Variants in RGS5 observed in about 807,000 individuals in gnomAD.
RGS5 encodes the protein regulator of G protein signaling 5.
Under a neutral mutation model 18.9 loss-of-function variants are expected in RGS5, and 20 were observed. The observed-to-expected ratio is 1.06, with a 90% CI of 0.74 to 1.54. The LOEUF is 1.54. RGS5 is among the 40% of genes most tolerant of loss of function. The pLI is 0.00. For synonymous variants in RGS5, 57 were observed against 76.2 expected, an observed-to-expected ratio of 0.75 and a Z score of 1.31; for missense variants, 201 against 211.8, an observed-to-expected ratio of 0.95 and a Z score of 0.32.
intron 2 of RGS5, among the ~76,000 whole-genome samples, chr1:163,163,168 G>A (rs776809267): frequency 6.6e-6 from 1 of 152,048 alleles, no homozygotes; most frequent in African/African-American, 2.4e-5. Flanking sequence ...AGTCCAAGAC[G>A]GCAGTAGGTT....
At chr1:163,250,120 T>G (rs1489209185) in intron 2 of RGS5, among the ~76,000 whole-genome samples, 1 of 152,154 alleles carries the variant, frequency 6.6e-6, no homozygotes, top group Non-Finnish European at 1.5e-5. Flanking sequence ...AGATGACCAT[T>G]GGGTTCTCCA....
rs1280725131 is a variant in RGS5, at chr1:163,171,991, A to G, written c.45-3623T>C. ...TCTCAGAGGAGGCAAATGTGGAACT[A>G]GAGAATGAGCAGCAGTCAGTCAGTT... On this transcript the variant is annotated intron_variant, in intron 1 of 4. Transcript: ENST00000313961. Among the ~76,000 whole-genome samples, 5 of 152,326 alleles carry G rather than the reference A, an allele frequency of 3.3e-5. No homozygotes were observed. In the East Asian group the frequency reaches 5.8e-4, roughly 18 times the overall value.
chr1:163,307,556 C>T (rs116323743), intron 1 of RGS5, among the ~76,000 whole-genome samples: 2,592 of 151,742 alleles, frequency 0.017, 42 homozygotes, highest in South Asian at 0.051. Context: ...GAGAAGCGTG[C>T]GGATTAGGAA....
At chr1:163,303,752 G>A (rs1233764133) in intron 2 of RGS5, among the ~76,000 whole-genome samples, 1 of 152,162 alleles carries the variant, frequency 6.6e-6, no homozygotes, top group Non-Finnish European at 1.5e-5. Flanking sequence ...GGCGGTGAGT[G>A]AGCATTACCA....
At chr1:163,150,303 G>T (rs892506051) in intron 4 of RGS5, among the ~76,000 whole-genome samples, 2 of 152,108 alleles carry the variant, frequency 1.3e-5, no homozygotes, top group African/African-American at 4.8e-5. Flanking sequence ...TTAGGTTAAT[G>T]TCTCATATTT....
upstream of RGS5, among the ~76,000 whole-genome samples, chr1:163,218,596 A>C (rs1198485541): frequency 6.6e-6 from 1 of 151,950 alleles, no homozygotes; most frequent in Non-Finnish European, 1.5e-5. Context: ...AATATGTAAA[A>C]ATAAAAATAA....
chr1:163,198,334 A>C (rs1659649717), intron 1 of RGS5, among the ~76,000 whole-genome samples: 1 of 152,120 alleles, frequency 6.6e-6, no homozygotes, highest in Non-Finnish European at 1.5e-5. Context: ...AGCCCTTCTC[A>C]GTCTGAAACA....
rs1381788010 is a variant in RGS5 at position 163,260,986 on chromosome 1, T to C, written c.-281+45247A>G. Among the ~76,000 whole-genome samples the C allele has an allele frequency of 9.2e-5, 14 of 152,316 alleles. No individual in the cohort carries two copies. In the East Asian group the frequency reaches 2.5e-3, roughly 27 times the overall value. ...ATTTGGTCTCAATGTGTGCATCTAA[T>C]TGGAAACTCAAGATACAAATGAATG... On this transcript the variant is annotated intron_variant, in intron 2 of 5. Transcript: ENST00000618415.
intron 2 of RGS5, among the ~76,000 whole-genome samples, chr1:163,264,338 TCA>T (rs1349108723): frequency 1.3e-5 from 2 of 152,168 alleles, no homozygotes; most frequent in African/African-American, 4.8e-5. Flanking sequence ...AAATTCTATC[TCA>T]GTTTCCTTAT....
intron 1 of RGS5, among the ~76,000 whole-genome samples, chr1:163,176,882 C>A (rs779188984): frequency 2.0e-5 from 3 of 152,172 alleles, no homozygotes; most frequent in Non-Finnish European, 2.9e-5. Flanking sequence ...GTAATCACTA[C>A]AATATGACAT....
chr1:163,234,568 G>A (rs1647571411), intron 2 of RGS5, among the ~76,000 whole-genome samples: 1 of 152,104 alleles, frequency 6.6e-6, no homozygotes. Context: ...ATTTTAGGGA[G>A]TGTTCATATG....
intron 2 of RGS5, among the ~76,000 whole-genome samples, chr1:163,259,302 C>T (rs1648364522): frequency 6.6e-6 from 1 of 151,498 alleles, no homozygotes; most frequent in African/African-American, 2.4e-5. Flanking sequence ...CAGGCATCTG[C>T]CACCATGCCC....
intron 1 of RGS5, chr1:163,217,460 C>A: frequency 7.0e-7 from 1 of 1,436,552 alleles, no homozygotes; most frequent in Non-Finnish European, 9.2e-7. Flanking sequence ...AATAACTATG[C>A]ACAGTCTTTC....
Position 163,262,306 on chromosome 1 carries a change from C to A in RGS5, c.-281+43927G>T, listed in dbSNP as rs12731284. Among the ~76,000 whole-genome samples the A allele has an allele frequency of 3.5e-3, 299 of 86,376 alleles. 2 individuals are homozygous for A. Among genetic ancestry groups the A allele is most frequent in the Non-Finnish European group, 6.2e-3 (258 of 41,592 alleles). 56.7% of individuals were successfully genotyped at this position (86,376 alleles called of 152,430 possible). A position where few individuals can be genotyped will look rare whatever the true frequency, so the allele number is the denominator to read the frequency against. The stretch of plus-strand genomic sequence containing the variant: ...ATATCTCCCAATGCTATCCCTCCCC[C>A]CTCCCCCGACCCCACCACAGTCCCC... On this transcript the variant is annotated intron_variant, in intron 2 of 5. Coordinates refer to the RGS5 transcript ENST00000618415.
upstream of RGS5, among the ~76,000 whole-genome samples, chr1:163,221,422 G>C (rs1441583040): frequency 6.6e-6 from 1 of 152,116 alleles, no homozygotes; most frequent in South Asian, 2.1e-4. Flanking sequence ...ACTTGAACCA[G>C]TAGGCAGAGG....
At chr1:163,179,905 TG>T (rs1658731156) in intron 1 of RGS5, among the ~76,000 whole-genome samples, 1 of 152,238 alleles carries the variant, frequency 6.6e-6, no homozygotes, top group South Asian at 2.1e-4. Flanking sequence ...TTTATGTAAC[TG>T]TAATATTCTC....
At chr1:163,284,879 C>T (rs1229144038) in intron 2 of RGS5, among the ~76,000 whole-genome samples, 2 of 151,754 alleles carry the variant, frequency 1.3e-5, no homozygotes, top group African/African-American at 2.4e-5. Flanking sequence ...TGTATTAGTC[C>T]GTTTTTATGC....
intron 1 of RGS5, among the ~76,000 whole-genome samples, chr1:163,308,937 A>G (rs1285631099): frequency 1.3e-5 from 2 of 152,218 alleles, no homozygotes; most frequent in Non-Finnish European, 2.9e-5. Flanking sequence ...CACAAATCCT[A>G]AGTTAAAAAT....
intron 1 of RGS5, among the ~76,000 whole-genome samples, chr1:163,309,605 C>T (rs2101648388): frequency 6.6e-6 from 1 of 152,046 alleles, no homozygotes. Flanking sequence ...AATTCTAGTT[C>T]TCTTGCTATT....
Sources: gnomAD v4.1 joint callset for allele counts (sites outside exome capture counted in the v4.1 genomes callset) on GRCh38, gnomAD v4.1.1 for gene constraint, MANE v1.5 for transcripts, NCBI Gene and HGNC (gene_info 2026-07-23, HGNC 2026-07-21) for gene names.